Variants in KAZN observed in about 807,000 individuals in gnomAD.
KAZN encodes the protein kazrin.
Under a neutral mutation model 87.4 loss-of-function variants are expected in KAZN, and 40 were observed. That is an observed-to-expected ratio of 0.46 (90% CI 0.36 to 0.60). KAZN has a LOEUF of 0.60. Among genes scored for constraint, KAZN ranks in the 20% least tolerant of loss-of-function variants. The pLI, the probability that KAZN is intolerant of heterozygous loss-of-function variation, is 0.00. For synonymous variants in KAZN, 466 were observed against 458.3 expected, an observed-to-expected ratio of 1.02 and a Z score of -0.22; for missense variants, 898 against 1,073.9, an observed-to-expected ratio of 0.84 and a Z score of 2.29.
chr1:14,865,433 C>A (rs190823357), intron 1 of KAZN, among the ~76,000 whole-genome samples: 5 of 152,282 alleles, frequency 3.3e-5, no homozygotes, highest in African/African-American at 4.8e-5. Context: ...AAGACAAGAT[C>A]TTTGCGCCCT....
chr1:14,725,396 T>C (rs980780661), intron 1 of KAZN, among the ~76,000 whole-genome samples: 5 of 152,144 alleles, frequency 3.3e-5, no homozygotes, highest in African/African-American at 1.2e-4. Flanking sequence ...TTTATTTGTG[T>C]AATTCTTTAT....
chr1:14,983,157 C>T (rs1666430643), intron 2 of KAZN, among the ~76,000 whole-genome samples: 1 of 152,178 alleles, frequency 6.6e-6, no homozygotes, highest in Non-Finnish European at 1.5e-5. Flanking sequence ...CCCTTTCACC[C>T]ATCCGCAGTG....
At chr1:15,001,422 C>T (rs1275387517) in intron 2 of KAZN, among the ~76,000 whole-genome samples, 6 of 151,386 alleles carry the variant, frequency 4.0e-5, no homozygotes, top group African/African-American at 1.2e-4. Flanking sequence ...GCCCAGATTG[C>T]ACCACTACAC....
In KAZN at chr1:15,034,769, C is replaced by T. The variant is rs369620796; in HGVS notation, c.439C>T (p.Arg147Cys). The part of the protein sequence containing the change: ...ALQAMKADRK[R>C]LKGEKTDLVS... ...CCCAGCCATGAAAGCTGATCGGAAG[C>T]GCTTAAAGGGCGAGAAGACAGACCT... is the stretch of plus-strand genomic sequence containing the variant. The change falls in exon 3 of 15, where the codon CGC becomes TGC. Residue 147 changes from arginine to cysteine, a missense_variant. Arg to Cys is a radical substitution (Grantham distance 180, BLOSUM62 -3). Coordinates refer to ENST00000376030, the MANE Select transcript of KAZN (RefSeq NM_201628.3). The T allele has an allele frequency of 9.9e-6, 16 of 1,614,122 alleles. No homozygotes were observed. The highest frequency in any genetic ancestry group is 2.2e-5 in the East Asian group (1 of 44,876).
chr1:14,104,881 GA>G (rs972323138), intron 1 of KAZN, among the ~76,000 whole-genome samples: 3 of 152,068 alleles, frequency 2.0e-5, no homozygotes, highest in African/African-American at 7.2e-5. Context: ...CTTCATTCCT[GA>G]AGCTATTTAT....
chr1:14,466,708 C>T (rs962397463), intron 2 of KAZN, among the ~76,000 whole-genome samples: 2 of 151,394 alleles, frequency 1.3e-5, no homozygotes, highest in South Asian at 2.1e-4. Flanking sequence ...GTGGCTCACG[C>T]CTGTAATCCC....
chr1:14,883,409 A>G (rs897457997), intron 1 of KAZN, among the ~76,000 whole-genome samples: 5 of 146,580 alleles, frequency 3.4e-5, no homozygotes, highest in Admixed American at 6.7e-5. Context: ...GAAAGAAAGA[A>G]AGAAAGAAAG....
chr1:14,681,633 A>ATATATGTATATG (rs1640612711), intron 1 of KAZN, among the ~76,000 whole-genome samples: 1 of 17,406 alleles, frequency 5.7e-5, no homozygotes, highest in Admixed American at 1.0e-3. Flanking sequence ...ATATATATAT[A>ATATATGTATATG]TATATATATA....
intron 2 of KAZN, among the ~76,000 whole-genome samples, chr1:14,987,195 C>T (rs1009495402): frequency 6.6e-5 from 10 of 152,070 alleles, no homozygotes; most frequent in African/African-American, 2.4e-4. Flanking sequence ...CACACGATTG[C>T]CAAAGAAGTT....
chr1:15,068,190 C>T (rs1045475881), intron 8 of KAZN: 70 of 708,512 alleles, frequency 9.9e-5, no homozygotes, highest in Middle Eastern at 7.2e-4. Context: ...TATTTGGCTC[C>T]GGGTGGGAGG....
chr1:14,727,450 C>CTTTTTTTTTTTTTTTTTTTTTTTT lies in KAZN; in HGVS notation c.226+128250_226+128273dup, dbSNP rs57203868. 1.1e-4 allele frequency among the ~76,000 whole-genome samples: 8 copies of CTTTTTTTTTTTTTTTTTTTTTTTT among 73,918 alleles called. 1 individual carries two copies. The highest frequency in any genetic ancestry group is 5.2e-4 in the South Asian group (1 of 1,940). 48.5% of individuals were successfully genotyped at this position (73,918 alleles called of 152,430 possible). A position where few individuals can be genotyped will look rare whatever the true frequency, so the allele number is the denominator to read the frequency against. ...GTCCATCACATTTATTGTGCACTTT[C>CTTTTTTTTTTTTTTTTTTTTTTTT]TTTTTTTTTTTTTTTTTTTTTTTTT... On this transcript the variant is annotated intron_variant, in intron 1 of 14. Transcript: ENST00000376030.
At chr1:14,312,084 G>A (rs1655343525) in intron 2 of KAZN, among the ~76,000 whole-genome samples, 1 of 152,118 alleles carries the variant, frequency 6.6e-6, no homozygotes, top group Non-Finnish European at 1.5e-5. Context: ...AAAAGAACTG[G>A]TGGGAATAGA....
At chr1:14,753,826 C>G (rs905245642) in intron 1 of KAZN, among the ~76,000 whole-genome samples, 5 of 152,220 alleles carry the variant, frequency 3.3e-5, no homozygotes, top group African/African-American at 4.8e-5. Flanking sequence ...CTGTTTCCTT[C>G]TGCAGCTCTG....
At position 14,027,638 on chromosome 1, in the gene KAZN, C is replaced by T. The variant is rs1641137884; in HGVS notation, c.91+133882C>T. On this transcript the variant is annotated intron_variant, in intron 1 of 16. Coordinates refer to the KAZN transcript ENST00000636203. ...GTCAAAATAATTGCTTTTCACAGGT[C>T]TACAGTCAGCTGTCTCATCATATAG... Among the ~76,000 whole-genome samples, 3 of 152,048 alleles carry T rather than the reference C, an allele frequency of 2.0e-5. No homozygotes were observed. In the South Asian group the frequency reaches 6.2e-4, roughly 31 times the overall value.
chr1:14,083,651 G>A (rs1643759056), intron 1 of KAZN, among the ~76,000 whole-genome samples: 1 of 152,200 alleles, frequency 6.6e-6, no homozygotes, highest in Non-Finnish European at 1.5e-5. Flanking sequence ...GAAAGACTTA[G>A]ATCTGGGAAT....
At chr1:14,686,237 G>GT (rs745753159) in intron 1 of KAZN, among the ~76,000 whole-genome samples, 22 of 152,126 alleles carry the variant, frequency 1.4e-4, no homozygotes, top group Admixed American at 5.9e-4. Flanking sequence ...GCTAATTTTT[G>GT]TATTTTTGGT....
intron 1 of KAZN, among the ~76,000 whole-genome samples, chr1:14,674,428 G>A (rs185809889): frequency 7.3e-4 from 111 of 152,346 alleles, no homozygotes; most frequent in Non-Finnish European, 1.3e-3. Flanking sequence ...CTCCTGGAAG[G>A]AAGGGGCACT....
intron 1 of KAZN, among the ~76,000 whole-genome samples, chr1:14,086,908 A>G (rs1643871308): frequency 2.0e-5 from 3 of 152,214 alleles, no homozygotes; most frequent in Admixed American, 2.0e-4. Flanking sequence ...TGTTATGCAA[A>G]TGCTACACAG....
intron 1 of KAZN, among the ~76,000 whole-genome samples, chr1:14,674,562 C>A (rs1640102809): frequency 6.6e-6 from 1 of 152,178 alleles, no homozygotes; most frequent in African/African-American, 2.4e-5. Flanking sequence ...GACCTTGCCA[C>A]TCACCAGGAC....
Sources: allele counts gnomAD v4.1 joint callset (sites outside exome capture counted in the v4.1 genomes callset), GRCh38; gene constraint gnomAD v4.1.1; transcripts MANE v1.5; gene names NCBI Gene and HGNC (gene_info 2026-07-23, HGNC 2026-07-21).